Variants in MCHR2 observed in about 807,000 individuals in gnomAD.
MCHR2 encodes melanin-concentrating hormone receptor 2.
In MCHR2, 15 loss-of-function variants were observed where a neutral mutation model predicts 24.8. The ratio of observed to expected loss-of-function variants is 0.60; its 90% confidence interval spans 0.40 to 0.93. The LOEUF (loss-of-function observed/expected upper bound fraction) is 0.93. Among genes scored for constraint, MCHR2 ranks in the 40% least tolerant of loss-of-function variants. The pLI, the probability that MCHR2 is intolerant of heterozygous loss-of-function variation, is 0.00. For missense variants in MCHR2, 386 were observed against 408.7 expected (o/e 0.94, Z 0.48); for synonymous variants, 151 against 147.6 (o/e 1.02, Z -0.17).
intron 5 of MCHR2, among the ~76,000 whole-genome samples, chr6:99,927,539 A>G (rs1414783572): frequency 6.6e-6 from 1 of 152,144 alleles, no homozygotes; most frequent in Non-Finnish European, 1.5e-5. Flanking sequence ...CTCTCCTTGA[A>G]GAGGTCCTTC....
intron 1 of MCHR2, among the ~76,000 whole-genome samples, chr6:99,965,749 T>A (rs1261355713): frequency 1.3e-5 from 2 of 152,156 alleles, no homozygotes; most frequent in African/African-American, 4.8e-5. Context: ...GGGAGGCATA[T>A]GCATTTTTTA....
chr6:99,966,580 C>T (rs936613908), intron 1 of MCHR2, among the ~76,000 whole-genome samples: 1 of 152,074 alleles, frequency 6.6e-6, no homozygotes. Context: ...AGAGTGAATG[C>T]CCAACAATAT....
In MCHR2 at chr6:99,934,497, A is replaced by G. The variant is rs750724032; in HGVS notation, c.608T>C (p.Ile203Thr). Residue 203 changes from isoleucine (I) to threonine (T), a missense_variant, in exon 5 of 6, where the codon ATA becomes ACA. Transcript: ENST00000281806. ...GGGTAGAGGGAAAAAAAAAGTTGTT[A>G]TCGTCAAATAAAGTGTATACCTGTA... ...DVLWYTLYLT[I>T]TTFFFPLPLI... The G allele has an allele frequency of 3.1e-6, 5 of 1,598,690 alleles. No homozygotes were observed. The highest frequency in any genetic ancestry group is 4.5e-5 in the East Asian group (2 of 44,038).
At chr6:99,963,987 ACAAAACAGGC>A (rs1424419071) in intron 1 of MCHR2, among the ~76,000 whole-genome samples, 1 of 152,186 alleles carries the variant, frequency 6.6e-6, no homozygotes, top group East Asian at 1.9e-4. Flanking sequence ...ATAGGCATTT[ACAAAACAGGC>A]ATCCAGCTGG....
At chr6:99,987,746 A>C (rs996153671) in intron 1 of MCHR2, among the ~76,000 whole-genome samples, 2 of 152,204 alleles carry the variant, frequency 1.3e-5, no homozygotes, top group Non-Finnish European at 1.5e-5. Context: ...AAAAACAATA[A>C]AAATTGAAAT....
chr6:99,981,651 C>T (rs1192328162), intron 1 of MCHR2, among the ~76,000 whole-genome samples: 1 of 152,140 alleles, frequency 6.6e-6, no homozygotes, highest in Non-Finnish European at 1.5e-5. Context: ...ATGTAAGGCA[C>T]CTGGCACACG....
At chr6:99,969,615 T>C (rs1054394147) in intron 1 of MCHR2, among the ~76,000 whole-genome samples, 5 of 151,800 alleles carry the variant, frequency 3.3e-5, no homozygotes, top group African/African-American at 1.2e-4. Flanking sequence ...ATGTGCACAA[T>C]GTGCAGGTCT....
At chr6:99,959,314 G>T (rs184399743) in intron 1 of MCHR2, among the ~76,000 whole-genome samples, 1 of 152,110 alleles carries the variant, frequency 6.6e-6, no homozygotes, top group Admixed American at 6.5e-5. Context: ...CACATGTCCA[G>T]AGGAGTCATG....
intron 1 of MCHR2, among the ~76,000 whole-genome samples, chr6:99,991,690 C>T (rs1337643566): frequency 6.6e-6 from 1 of 151,056 alleles, no homozygotes. Flanking sequence ...GCCTGTAGTC[C>T]CAGCTACTCT....
At chr6:99,983,168 A>G (rs577302622) in intron 1 of MCHR2, among the ~76,000 whole-genome samples, 72 of 151,342 alleles carry the variant, frequency 4.8e-4, no homozygotes, top group African/African-American at 1.3e-3. Context: ...ACAGGGTTTT[A>G]CCATGTTGTC....
intron 5 of MCHR2, among the ~76,000 whole-genome samples, chr6:99,930,452 T>C (rs1774492500): frequency 2.6e-5 from 4 of 152,024 alleles, no homozygotes; most frequent in African/African-American, 9.7e-5. Flanking sequence ...TTGGTTCCAT[T>C]CTCCCTGTCA....
At chr6:99,983,133 G>GTT (rs138320533) in intron 1 of MCHR2, among the ~76,000 whole-genome samples, 76 of 150,678 alleles carry the variant, frequency 5.0e-4, no homozygotes, top group South Asian at 4.6e-3. Context: ...GCTAATTTTT[G>GTT]GTTTTTTTTG....
intron 2 of MCHR2, among the ~76,000 whole-genome samples, chr6:99,955,172 C>T (rs1447758854): frequency 1.3e-5 from 2 of 152,120 alleles, no homozygotes; most frequent in Admixed American, 6.6e-5. Flanking sequence ...ACTAGCAAAA[C>T]TTACATGTGA....
rs372664009 is a variant in MCHR2, at chr6:99,980,327, T to C, written c.-28+13609A>G. Among the ~76,000 whole-genome samples the C allele has an allele frequency of 3.7e-4, 57 of 152,250 alleles. 1 individual carries two copies. The South Asian group carries it at 0.01, about 27-fold the overall frequency. On this transcript the variant is annotated intron_variant, in intron 1 of 5. Coordinates refer to ENST00000281806, the MANE Select transcript of MCHR2 (RefSeq NM_001040179.2). ...ACTAAGCTCACTTTAAGGAAAAATA[T>C]CTTACTTGGGACCATCTGGTTGCCA...
intron 3 of MCHR2, among the ~76,000 whole-genome samples, chr6:99,943,835 A>G (rs1458286097): frequency 1.3e-5 from 2 of 152,110 alleles, no homozygotes; most frequent in African/African-American, 2.4e-5. Flanking sequence ...TATAAACGAA[A>G]CTCTGGAAAA....
At chr6:99,925,376 A>G (rs942317993) in intron 5 of MCHR2, among the ~76,000 whole-genome samples, 1 of 151,958 alleles carries the variant, frequency 6.6e-6, no homozygotes, top group Non-Finnish European at 1.5e-5. Flanking sequence ...TTGATTGAAG[A>G]GTTTAGTCCA....
intron 1 of MCHR2, among the ~76,000 whole-genome samples, chr6:99,980,458 T>C (rs1348820347): frequency 6.6e-6 from 1 of 152,182 alleles, no homozygotes; most frequent in Non-Finnish European, 1.5e-5. Flanking sequence ...TCTATAGAAC[T>C]ATGGTTCATC....
Position 99,919,436 on chromosome 6 carries a change from G to A in MCHR2, c.*1504C>T, listed in dbSNP as rs1347679770. Reference sequence around the variant, plus strand: ...AAATGGTTAACTCTTTTTCTAGAAGGGGCTGGTTGAAAATTGGTTTCAGAT... The same window carrying A: ...AAATGGTTAACTCTTTTTCTAGAAGAGGCTGGTTGAAAATTGGTTTCAGAT... On this transcript the variant is annotated 3_prime_UTR_variant, in exon 6 of 6. Coordinates refer to ENST00000281806, the MANE Select transcript of MCHR2 (RefSeq NM_001040179.2). Among the ~76,000 whole-genome samples, 1 of 152,102 alleles carries A rather than the reference G, an allele frequency of 6.6e-6. No homozygotes were observed. The highest frequency in any genetic ancestry group is 2.4e-5 in the African/African-American group (1 of 41,414).
intron 1 of MCHR2, among the ~76,000 whole-genome samples, chr6:99,979,923 G>A (rs1775631465): frequency 6.6e-6 from 1 of 152,132 alleles, no homozygotes; most frequent in African/African-American, 2.4e-5. Flanking sequence ...GTTAAATTCA[G>A]AAGAAAAAAA....
Sources: allele counts gnomAD v4.1 joint callset (sites outside exome capture counted in the v4.1 genomes callset), GRCh38; gene constraint gnomAD v4.1.1; transcripts MANE v1.5; gene names NCBI Gene and HGNC (gene_info 2026-07-23, HGNC 2026-07-21).